XKR6: variants seen among roughly 807,000 people sequenced by gnomAD.
The protein encoded by XKR6 is XK related 6.
XKR6 carries 22 observed loss-of-function variants against 56.7 expected under a neutral mutation model. The observed-to-expected ratio is 0.39, with a 90% CI of 0.28 to 0.55. The LOEUF (loss-of-function observed/expected upper bound fraction) is 0.55, where lower values mean the gene tolerates loss of function less well. Among genes scored for constraint, XKR6 ranks in the 20% least tolerant of loss-of-function variants. The pLI, the probability that XKR6 is intolerant of heterozygous loss-of-function variation, is 0.66. For missense variants in XKR6, 852 were observed against 889.0 expected, an observed-to-expected ratio of 0.96 and a Z score of 0.53; for synonymous variants, 524 against 387.8, an observed-to-expected ratio of 1.35 and a Z score of -4.13.
At chr8:11,156,403 C>T (rs1350826205) in intron 1 of XKR6, among the ~76,000 whole-genome samples, 1 of 152,210 alleles carries the variant, frequency 6.6e-6, no homozygotes, top group Non-Finnish European at 1.5e-5. Flanking sequence ...TATTCTATCT[C>T]CCCACCTGCC....
At chr8:11,186,594 G>C (rs1375785388) in intron 1 of XKR6, among the ~76,000 whole-genome samples, 1 of 152,070 alleles carries the variant, frequency 6.6e-6, no homozygotes, top group Non-Finnish European at 1.5e-5. Context: ...TGCCCAGGTT[G>C]GTCTCAAACT....
chr8:11,174,183 C>T (rs1473687522), intron 1 of XKR6, among the ~76,000 whole-genome samples: 2 of 152,242 alleles, frequency 1.3e-5, no homozygotes, highest in African/African-American at 4.8e-5. Flanking sequence ...CGATTATCAC[C>T]TCTCAGTGAA....
intron 1 of XKR6, among the ~76,000 whole-genome samples, chr8:11,083,350 A>G (rs1184528346): frequency 6.6e-6 from 1 of 152,122 alleles, no homozygotes; most frequent in African/African-American, 2.4e-5. Flanking sequence ...AATTTTCCCC[A>G]GATTACAAGG....
chr8:10,970,409 T>C (rs1185017190), intron 1 of XKR6, among the ~76,000 whole-genome samples: 3 of 152,172 alleles, frequency 2.0e-5, no homozygotes, highest in East Asian at 1.9e-4. Flanking sequence ...TAACATATGA[T>C]ACTGTGAATA....
intron 1 of XKR6, among the ~76,000 whole-genome samples, chr8:11,127,959 T>C (rs1036174468): frequency 2.0e-5 from 3 of 152,242 alleles, no homozygotes; most frequent in Non-Finnish European, 2.9e-5. Flanking sequence ...TTTCAATGCA[T>C]AGTTCACACT....
intron 1 of XKR6, among the ~76,000 whole-genome samples, chr8:11,148,034 AC>A (rs1801077320): frequency 6.6e-6 from 1 of 151,988 alleles, no homozygotes; most frequent in Admixed American, 6.6e-5. Context: ...ACATGGTGAA[AC>A]CCTATCTCTA....
intron 2 of XKR6, among the ~76,000 whole-genome samples, chr8:10,917,794 C>T (rs1342379956): frequency 6.6e-6 from 1 of 152,206 alleles, no homozygotes; most frequent in Non-Finnish European, 1.5e-5. Flanking sequence ...GAACCTCTCA[C>T]TAACTGAGTC....
chr8:11,082,924 T>C (rs1046783287), intron 1 of XKR6, among the ~76,000 whole-genome samples: 3 of 152,214 alleles, frequency 2.0e-5, no homozygotes, highest in Admixed American at 1.3e-4. Flanking sequence ...TTTCTGTATT[T>C]ATTTCTCGTC....
intron 1 of XKR6, among the ~76,000 whole-genome samples, chr8:11,058,618 A>G (rs1183333761): frequency 6.6e-6 from 1 of 152,214 alleles, no homozygotes; most frequent in Non-Finnish European, 1.5e-5. Context: ...GTTCTCACTC[A>G]TAAGTGGGAG....
At chr8:11,006,210 G>A (rs1184345707) in intron 1 of XKR6, among the ~76,000 whole-genome samples, 1 of 152,230 alleles carries the variant, frequency 6.6e-6, no homozygotes, top group Non-Finnish European at 1.5e-5. Flanking sequence ...ATTCACTAGA[G>A]AGTAGGGTGA....
intron 1 of XKR6, among the ~76,000 whole-genome samples, chr8:10,944,180 G>C (rs1442427841): frequency 1.3e-5 from 2 of 152,194 alleles, no homozygotes; most frequent in Non-Finnish European, 2.9e-5. Context: ...TGATGACTCT[G>C]ATGGAAGCTG....
intron 1 of XKR6, among the ~76,000 whole-genome samples, chr8:11,147,519 G>C (rs1801046096): frequency 6.6e-6 from 1 of 152,036 alleles, no homozygotes; most frequent in African/African-American, 2.4e-5. Flanking sequence ...AGCTGGGTGT[G>C]GTGGCACGTG....
Position 10,898,118 on chromosome 8 carries a change from A to G in XKR6, c.1760T>C (p.Ile587Thr), listed in dbSNP as rs756429215. ...TGGGTATCGCTTTCTTGGCATGTCA[A>G]TCTTAATGAGGGGCCCTTCTGGGAG... Reference protein sequence around the residue: ...PYLPEGPLIKIDMPRKRYPAW... With the variant: ...PYLPEGPLIKTDMPRKRYPAW... Residue 587 changes from isoleucine to threonine, a missense_variant, in exon 3 of 3, where the codon ATT becomes ACT. By Grantham distance (89) the Ile-to-Thr change is moderately conservative. Around this residue, in one of 4 missense-constraint regions of XKR6, gnomAD observed 197 missense variants for 190.9 expected, o/e 1.03. Coordinates refer to ENST00000416569, the MANE Select transcript of XKR6 (RefSeq NM_173683.4). This position sits in a 1 kb window ranked among gnomAD's most constrained non-coding sequence, Gnocchi z 6.6. 13 of 1,614,016 alleles carry G rather than the reference A, an allele frequency of 8.1e-6. No homozygotes were observed. The highest frequency in any genetic ancestry group is 5.0e-5 in the Admixed American group (3 of 60,002).
chr8:11,040,229 C>A (rs1799251816), intron 1 of XKR6, among the ~76,000 whole-genome samples: 1 of 152,016 alleles, frequency 6.6e-6, no homozygotes, highest in South Asian at 2.1e-4. Flanking sequence ...TCCGGCCCTG[C>A]CTCAGTCCCT....
chr8:11,172,860 A>T (rs1157871268), intron 1 of XKR6, among the ~76,000 whole-genome samples: 1 of 152,190 alleles, frequency 6.6e-6, no homozygotes, highest in Admixed American at 6.5e-5. Context: ...CGGGGAAAAC[A>T]TTTACTTTTA....
At chr8:11,189,374 T>C (rs1803430052) in intron 1 of XKR6, among the ~76,000 whole-genome samples, 1 of 152,214 alleles carries the variant, frequency 6.6e-6, no homozygotes, top group Admixed American at 6.5e-5. Context: ...TCCTCAATTA[T>C]ATGTCATAAT....
chr8:11,156,256 C>G (rs568237451), intron 1 of XKR6, among the ~76,000 whole-genome samples: 180 of 152,266 alleles, frequency 1.2e-3, no homozygotes, highest in African/African-American at 4.1e-3. Context: ...TCCCTCTGTT[C>G]TGAATGCTTT....
At chr8:10,984,584 A>G (rs1462089062) in intron 1 of XKR6, among the ~76,000 whole-genome samples, 4 of 151,948 alleles carry the variant, frequency 2.6e-5, no homozygotes, top group Non-Finnish European at 5.9e-5. Context: ...TGATTAAAAT[A>G]GTAAAGGAAT....
chr8:11,031,138 C>T (rs1243742563), intron 1 of XKR6, among the ~76,000 whole-genome samples: 4 of 152,162 alleles, frequency 2.6e-5, no homozygotes, highest in Admixed American at 2.6e-4. Flanking sequence ...CTGATTGAAC[C>T]AGAGGTGGGC....
Sources: allele counts gnomAD v4.1 joint callset (sites outside exome capture counted in the v4.1 genomes callset), GRCh38; gene constraint gnomAD v4.1.1; regional missense constraint gnomAD v4.1.1; non-coding constraint Gnocchi (gnomAD v3.1); transcripts MANE v1.5; gene names NCBI Gene and HGNC (gene_info 2026-07-23, HGNC 2026-07-21).